Variants in MAGI3 observed in about 807,000 individuals in gnomAD.
MAGI3 encodes the protein membrane-associated guanylate kinase, WW and PDZ domain-containing protein 3.
Under a neutral mutation model 121.8 loss-of-function variants are expected in MAGI3, and 43 were observed. That is an observed-to-expected ratio of 0.35 (90% CI 0.28 to 0.46). The LOEUF is 0.46. Among genes scored for constraint, MAGI3 ranks in the 20% least tolerant of loss-of-function variants. MAGI3 has a pLI of 1.00. For synonymous variants in MAGI3, 553 were observed against 639.3 expected (o/e 0.86, Z 2.04); for missense variants, 1,547 against 1,797.3 (o/e 0.86, Z 2.52).
intron 12 of MAGI3, 96 bp downstream of exon 12, chr1:113,646,738 A>T: frequency 1.0e-6 from 1 of 973,284 alleles, no homozygotes; most frequent in Non-Finnish European, 1.5e-6. Context: ...AGCATATTGA[A>T]AAGTTATTCC....
chr1:113,648,734 T>C (rs1652988364), intron 12 of MAGI3, among the ~76,000 whole-genome samples: 1 of 152,172 alleles, frequency 6.6e-6, no homozygotes, highest in South Asian at 2.1e-4. Flanking sequence ...TAAAATGCTA[T>C]CATTTTGCAA....
At chr1:113,613,930 A>G (rs934032569) in intron 6 of MAGI3, among the ~76,000 whole-genome samples, 1 of 152,174 alleles carries the variant, frequency 6.6e-6, no homozygotes, top group African/African-American at 2.4e-5. Flanking sequence ...AAATTCAACT[A>G]CCTTCAGTAT....
chr1:113,416,775 A>G (rs1264709451), intron 1 of MAGI3, among the ~76,000 whole-genome samples: 1 of 151,778 alleles, frequency 6.6e-6, no homozygotes, highest in African/African-American at 2.4e-5. Context: ...TATGGACTTC[A>G]GATTAGAACC....
chr1:113,588,627 T>C (rs1282100036), intron 4 of MAGI3, among the ~76,000 whole-genome samples: 2 of 152,152 alleles, frequency 1.3e-5, no homozygotes, highest in Non-Finnish European at 2.9e-5. Context: ...CTAACTGGGA[T>C]ACCAGTTAGG....
intron 1 of MAGI3, among the ~76,000 whole-genome samples, chr1:113,504,731 A>G (rs1167346860): frequency 6.6e-6 from 1 of 152,140 alleles, no homozygotes; most frequent in Non-Finnish European, 1.5e-5. Context: ...CTAAGAAATA[A>G]AAGTACTGGT....
chr1:113,529,537 CT>C (rs2101637918), intron 1 of MAGI3, among the ~76,000 whole-genome samples: 1 of 152,280 alleles, frequency 6.6e-6, no homozygotes, highest in African/African-American at 2.4e-5. Context: ...TACCATTACA[CT>C]GGGGGTTAGG....
rs572782143 is a variant in MAGI3 at position 113,523,091 on chromosome 1, G to T, written c.317-26424G>T. Among the ~76,000 whole-genome samples, 10 of 152,244 alleles carry T rather than the reference G, an allele frequency of 6.6e-5. No individual in the cohort carries two copies. In the South Asian group the frequency reaches 1.0e-3, roughly 16 times the overall value. ...CACGAGATCTGATGGTTTTATAAGG[G>T]GAAGTTTCCCTGCACAAGCTCTCTT... is the stretch of plus-strand genomic sequence containing the variant. On this transcript the variant is annotated intron_variant, in intron 1 of 20. Coordinates refer to ENST00000307546, the MANE Select transcript of MAGI3 (RefSeq NM_001142782.2).
chr1:113,652,931 G>A (rs911894206), intron 14 of MAGI3, among the ~76,000 whole-genome samples: 1 of 152,206 alleles, frequency 6.6e-6, no homozygotes, highest in Admixed American at 6.5e-5. Context: ...GCCCAGAAGT[G>A]TTTGCTATTC....
intron 2 of MAGI3, among the ~76,000 whole-genome samples, chr1:113,565,296 C>T (rs1282267703): frequency 6.6e-6 from 1 of 152,180 alleles, no homozygotes; most frequent in Non-Finnish European, 1.5e-5. Context: ...AAAACATCCT[C>T]ATATCGGGCA....
At chr1:113,472,036 CTT>C (rs1655559693) in intron 1 of MAGI3, among the ~76,000 whole-genome samples, 2 of 151,992 alleles carry the variant, frequency 1.3e-5, no homozygotes, top group South Asian at 2.1e-4. Flanking sequence ...ACTTTTGTCT[CTT>C]GTGATAGTTT....
intron 12 of MAGI3, among the ~76,000 whole-genome samples, chr1:113,648,861 A>C (rs1169020572): frequency 1.3e-5 from 2 of 152,198 alleles, no homozygotes; most frequent in Non-Finnish European, 2.9e-5. Flanking sequence ...TACAGATTTA[A>C]TGTACCTTAC....
chr1:113,497,048 A>G (rs1342536371), intron 1 of MAGI3, among the ~76,000 whole-genome samples: 1 of 152,236 alleles, frequency 6.6e-6, no homozygotes, highest in Non-Finnish European at 1.5e-5. Flanking sequence ...ACTTGAGGTC[A>G]GGTGTTCAAG....
chr1:113,640,950 A>G (rs1652427843), intron 9 of MAGI3, among the ~76,000 whole-genome samples: 1 of 138,956 alleles, frequency 7.2e-6, no homozygotes, highest in South Asian at 2.1e-4. Context: ...ATAAATATAT[A>G]TAATATTAAA....
At chr1:113,482,383 A>G (rs1656153547) in intron 1 of MAGI3, among the ~76,000 whole-genome samples, 1 of 151,810 alleles carries the variant, frequency 6.6e-6, no homozygotes, top group African/African-American at 2.4e-5. Context: ...TCATTGAGAT[A>G]GGGTCTCACT....
chr1:113,401,436 C>A (rs1651396094), intron 1 of MAGI3, among the ~76,000 whole-genome samples: 1 of 152,084 alleles, frequency 6.6e-6, no homozygotes, highest in Non-Finnish European at 1.5e-5. Flanking sequence ...GTAGTTATTT[C>A]CAAGAATTGC....
intron 6 of MAGI3, 124 bp from the exon 7 acceptor site, chr1:113,614,477 A>G (rs1235416490): frequency 1.3e-6 from 1 of 745,986 alleles, no homozygotes; most frequent in African/African-American, 1.8e-5. Context: ...TTGTTCCTTG[A>G]AAGTGAGCCC....
At chr1:113,448,664 CTT>C (rs751963214) in intron 1 of MAGI3, among the ~76,000 whole-genome samples, 1 of 147,778 alleles carries the variant, frequency 6.8e-6, no homozygotes, top group African/African-American at 2.5e-5. Context: ...ATCTAAATGC[CTT>C]TTTTTTTTAA....
intron 1 of MAGI3, among the ~76,000 whole-genome samples, chr1:113,418,111 T>C (rs75325780): frequency 8.5e-5 from 13 of 152,256 alleles, no homozygotes; most frequent in Non-Finnish European, 1.8e-4. Context: ...CTACTGCTAT[T>C]TCAGTTTTGT....
chr1:113,545,069 G>C (rs1160792048), intron 1 of MAGI3, among the ~76,000 whole-genome samples: 2 of 144,432 alleles, frequency 1.4e-5, no homozygotes, highest in South Asian at 2.2e-4. Context: ...TTTTTTGTTT[G>C]TTTGTTTTGT....
Sources: gnomAD v4.1 joint callset for allele counts (sites outside exome capture counted in the v4.1 genomes callset) on GRCh38, gnomAD v4.1.1 for gene constraint, MANE v1.5 for transcripts, NCBI Gene and HGNC (gene_info 2026-07-23, HGNC 2026-07-21) for gene names.